Variants in MACIR observed in about 807,000 individuals in gnomAD.
The protein encoded by MACIR is macrophage immunometabolism regulator.
Under a neutral mutation model 14.3 loss-of-function variants are expected in MACIR, and 4 were observed. The observed-to-expected ratio is 0.28, with a 90% confidence interval of 0.14 to 0.64. MACIR has a LOEUF of 0.64. Among genes scored for constraint, MACIR ranks in the 30% least tolerant of loss-of-function variants. MACIR has a pLI of 0.83. For synonymous variants in MACIR, 101 were observed against 102.4 expected (o/e 0.99, Z 0.08); for missense variants, 228 against 257.6 (o/e 0.89, Z 0.79).
At chr5:103,266,398 C>G (rs1804924275) in intron 2 of MACIR, among the ~76,000 whole-genome samples, 1 of 152,076 alleles carries the variant, frequency 6.6e-6, no homozygotes, top group Non-Finnish European at 1.5e-5. Flanking sequence ...TATATATTAT[C>G]ATACATAAAG....
rs1211516827 is a variant in MACIR at position 103,276,717 on chromosome 5, T to G, written c.*177T>G. On this transcript the variant is annotated 3_prime_UTR_variant, in exon 3 of 3. Transcript: ENST00000319933. ...ATACAGGAATGAAATCACAGGTACT[T>G]GGGGGGGGGATATCATTCTAGAGCA... is the stretch of plus-strand genomic sequence containing the variant. The G allele has an allele frequency of 3.9e-6, 2 of 511,202 alleles. No individual in the cohort carries two copies. Among genetic ancestry groups the G allele is most frequent in the Non-Finnish European group, 6.8e-6 (2 of 292,482 alleles). The allele number at this position is 511,202 out of a possible 1,614,324, so 31.7% of individuals were successfully genotyped here.
At chr5:103,273,799 G>C (rs2149933108) in intron 2 of MACIR, among the ~76,000 whole-genome samples, 1 of 152,310 alleles carries the variant, frequency 6.6e-6, no homozygotes. Context: ...GGGGTCTGAA[G>C]TCATAGATTT....
At chr5:103,265,692 A>G (rs1186996781) in intron 1 of MACIR, among the ~76,000 whole-genome samples, 1 of 152,154 alleles carries the variant, frequency 6.6e-6, no homozygotes, top group African/African-American at 2.4e-5. Flanking sequence ...TAAGTAACAG[A>G]GTACAGAGAA....
intron 1 of MACIR, among the ~76,000 whole-genome samples, chr5:103,263,210 C>T (rs1452414613): frequency 7.1e-6 from 1 of 141,074 alleles, no homozygotes; most frequent in African/African-American, 2.6e-5. Flanking sequence ...CCTCCTCCTC[C>T]TCCTCCTCCT....
At position 103,276,596 on chromosome 5, in the gene MACIR, A is replaced by C; in HGVS notation, c.*56A>C. ...GTCAGCCTACGCTTGGCTAGAAAAA[A>C]CCCACTGCTGTACTCTGTACATGAC... is the stretch of plus-strand genomic sequence containing the variant. On this transcript the variant is annotated 3_prime_UTR_variant, in exon 3 of 3. Transcript: ENST00000319933. 3.3e-6 allele frequency: 5 copies of C among 1,499,914 alleles called. No individual in the cohort carries two copies. Among genetic ancestry groups the C allele is most frequent in the Non-Finnish European group, 4.5e-6 (5 of 1,109,312 alleles). 92.9% of individuals were successfully genotyped at this position (1,499,914 alleles called of 1,614,324 possible).
chr5:103,269,554 A>T (rs557423475), intron 2 of MACIR, among the ~76,000 whole-genome samples: 1 of 152,142 alleles, frequency 6.6e-6, no homozygotes, highest in Non-Finnish European at 1.5e-5. Flanking sequence ...TTTCAAAAAG[A>T]ATTCTTCGTA....
chr5:103,258,740 G>C (rs1804546981), upstream of MACIR: 1 of 153,148 alleles, frequency 6.5e-6, no homozygotes, highest in Non-Finnish European at 1.5e-5. Flanking sequence ...CAGGGCGGTA[G>C]CTGGCGCCGA....
intron 2 of MACIR, among the ~76,000 whole-genome samples, chr5:103,270,730 AG>A (rs1381977417): frequency 6.6e-6 from 1 of 152,162 alleles, no homozygotes; most frequent in Non-Finnish European, 1.5e-5. Context: ...ATGGTGCCCC[AG>A]GCTTAGAGCC....
chr5:103,261,867 T>G (rs1269888211), intron 1 of MACIR, among the ~76,000 whole-genome samples: 1 of 152,096 alleles, frequency 6.6e-6, no homozygotes, highest in African/African-American at 2.4e-5. Flanking sequence ...TTTCATAATA[T>G]AAACTTTAAT....
intron 1 of MACIR, among the ~76,000 whole-genome samples, chr5:103,260,940 T>C (rs782515001): frequency 2.0e-5 from 3 of 152,230 alleles, no homozygotes; most frequent in Non-Finnish European, 2.9e-5. Flanking sequence ...TTGATGATAC[T>C]TCCTAAGAGA....
Position 103,258,777 on chromosome 5 carries a change from G to C in MACIR, c.-233G>C, listed in dbSNP as rs1021662461. The C allele has an allele frequency of 1.3e-5, 2 of 152,558 alleles. No individual in the cohort carries two copies. Among genetic ancestry groups the C allele is most frequent in the Admixed American group, 6.5e-5 (1 of 15,284 alleles). 9.5% of individuals were successfully genotyped at this position (152,558 alleles called of 1,614,324 possible). Reference sequence around the variant, plus strand: ...CGCGGTGGGAGAGGAGAGGGTACCCGGCTGGCTCGGCTGGCGGCCTCTGCC... The same window carrying C: ...CGCGGTGGGAGAGGAGAGGGTACCCCGCTGGCTCGGCTGGCGGCCTCTGCC... On this transcript the variant is annotated 5_prime_UTR_variant, in exon 1 of 3. Transcript: ENST00000319933.
At chr5:103,266,773 G>A (rs115614398) in intron 2 of MACIR, among the ~76,000 whole-genome samples, 224 of 152,082 alleles carry the variant, frequency 1.5e-3, no homozygotes, top group African/African-American at 5.2e-3. Context: ...TAGAGAAAGC[G>A]GAGTTTCATA....
In MACIR at chr5:103,276,548, G is replaced by C. The variant is rs1374933536; in HGVS notation, c.*8G>C. 1.6e-5 allele frequency: 26 copies of C among 1,598,946 alleles called. No individual in the cohort carries two copies. The highest frequency in any genetic ancestry group is 2.1e-5 in the Non-Finnish European group (25 of 1,173,596). ...GCTAGGAATAATACATGAATGACTT[G>C]GAGAGAGCTTAAACCAATTTAGGTC... On this transcript the variant is annotated 3_prime_UTR_variant, in exon 3 of 3. Coordinates refer to ENST00000319933, the MANE Select transcript of MACIR (RefSeq NM_033211.4).
At chr5:103,266,379 A>C (rs1804923204) in intron 2 of MACIR, among the ~76,000 whole-genome samples, 4 of 152,170 alleles carry the variant, frequency 2.6e-5, no homozygotes, top group Admixed American at 2.6e-4. Flanking sequence ...ATTTGCAAAA[A>C]ATTCTGGTTA....
intron 2 of MACIR, among the ~76,000 whole-genome samples, chr5:103,274,654 GTTT>G (rs1199701066): frequency 6.9e-6 from 1 of 143,970 alleles, no homozygotes; most frequent in Non-Finnish European, 1.5e-5. Flanking sequence ...ATAAAGTGCT[GTTT>G]TTTTTTTTTA....
intron 2 of MACIR, among the ~76,000 whole-genome samples, chr5:103,267,495 A>G (rs1485594685): frequency 6.6e-6 from 1 of 152,188 alleles, no homozygotes; most frequent in Non-Finnish European, 1.5e-5. Flanking sequence ...GCATGTACAT[A>G]CAGATATATG....
chr5:103,271,942 G>C (rs1805144971), intron 2 of MACIR, among the ~76,000 whole-genome samples: 1 of 152,098 alleles, frequency 6.6e-6, no homozygotes, highest in African/African-American at 2.4e-5. Flanking sequence ...CTGGGTTTTA[G>C]TGCTCTGGAA....
At chr5:103,262,495 A>G (rs1220322799) in intron 1 of MACIR, among the ~76,000 whole-genome samples, 1 of 152,212 alleles carries the variant, frequency 6.6e-6, no homozygotes, top group Non-Finnish European at 1.5e-5. Context: ...ATTGAGATAT[A>G]TAGTCACTCT....
intron 2 of MACIR, among the ~76,000 whole-genome samples, chr5:103,266,353 A>C (rs1245865234): frequency 6.6e-6 from 1 of 152,170 alleles, no homozygotes; most frequent in Non-Finnish European, 1.5e-5. Context: ...ATTAATCTCC[A>C]AACATTGCTG....
Sources: gnomAD v4.1 joint callset for allele counts (sites outside exome capture counted in the v4.1 genomes callset) on GRCh38, gnomAD v4.1.1 for gene constraint, MANE v1.5 for transcripts, NCBI Gene and HGNC (gene_info 2026-07-23, HGNC 2026-07-21) for gene names.